The following RGS7 variants were observed in gnomAD, a reference collection of about 807,000 sequenced individuals.
RGS7 encodes the protein regulator of G-protein signaling 7.
In RGS7, 27 loss-of-function variants were observed where a neutral mutation model predicts 81.1. The observed-to-expected ratio is 0.33, with a 90% CI of 0.25 to 0.46. The LOEUF is 0.46. Among genes scored for constraint, RGS7 ranks in the 20% least tolerant of loss-of-function variants. The pLI is 1.00. For missense variants in RGS7, 396 were observed against 607.4 expected (o/e 0.65, Z 3.66); for synonymous variants, 208 against 207.7 (o/e 1.00, Z -0.01).
intron 2 of RGS7, among the ~76,000 whole-genome samples, chr1:241,183,368 T>C (rs1051594518): frequency 1.3e-5 from 2 of 152,216 alleles, no homozygotes; most frequent in African/African-American, 4.8e-5. Flanking sequence ...ACGTGCTCCA[T>C]CTGAATAGGC....
At chr1:241,172,248 C>T (rs974125452) in intron 2 of RGS7, among the ~76,000 whole-genome samples, 1 of 152,064 alleles carries the variant, frequency 6.6e-6, no homozygotes, top group African/African-American at 2.4e-5. Context: ...GCACAGCACA[C>T]GTGGCAATCT....
At chr1:241,057,347 T>C (rs1294820480) in intron 3 of RGS7, among the ~76,000 whole-genome samples, 1 of 152,168 alleles carries the variant, frequency 6.6e-6, no homozygotes, top group East Asian at 1.9e-4. Context: ...ATTTGTACAA[T>C]AAGAGGGCCA....
chr1:241,279,667 C>T (rs1573483883), intron 2 of RGS7, among the ~76,000 whole-genome samples: 1 of 152,166 alleles, frequency 6.6e-6, no homozygotes, highest in African/African-American at 2.4e-5. Flanking sequence ...TCCATTACTA[C>T]AAAGATCCCA....
At chr1:240,780,495 T>C (rs1025582282) in intron 18 of RGS7, among the ~76,000 whole-genome samples, 1 of 143,886 alleles carries the variant, frequency 6.9e-6, no homozygotes, top group African/African-American at 2.6e-5. Context: ...TGAAGGAAGG[T>C]ACACATCAGT....
At chr1:240,867,712 A>T (rs1332194220) in intron 9 of RGS7, among the ~76,000 whole-genome samples, 1 of 152,178 alleles carries the variant, frequency 6.6e-6, no homozygotes, top group Admixed American at 6.5e-5. Context: ...TTTAAGAAAG[A>T]AAATCAGGCT....
At chr1:240,799,611 G>C (rs1687705476) in intron 18 of RGS7, among the ~76,000 whole-genome samples, 1 of 151,930 alleles carries the variant, frequency 6.6e-6, no homozygotes, top group South Asian at 2.1e-4. Context: ...ATTGCAAGAA[G>C]AATTATCTTG....
chr1:240,985,600 C>T (rs2148568073), intron 3 of RGS7, among the ~76,000 whole-genome samples: 1 of 152,218 alleles, frequency 6.6e-6, no homozygotes, highest in Non-Finnish European at 1.5e-5. Flanking sequence ...TTGGACTTGA[C>T]CAACTGCTAG....
intron 3 of RGS7, among the ~76,000 whole-genome samples, chr1:241,090,515 T>A (rs1042768333): frequency 1.3e-5 from 2 of 152,138 alleles, no homozygotes; most frequent in Non-Finnish European, 2.9e-5. Context: ...GAAACATACA[T>A]TTAGAAATAT....
chr1:240,838,040 AG>A (rs1232067451), intron 9 of RGS7, among the ~76,000 whole-genome samples: 3 of 152,188 alleles, frequency 2.0e-5, no homozygotes, highest in Non-Finnish European at 2.9e-5. Flanking sequence ...CAAATAGAAA[AG>A]GGGTGCATCT....
At chr1:241,095,781 C>T (rs1307701543) in intron 3 of RGS7, among the ~76,000 whole-genome samples, 7 of 152,244 alleles carry the variant, frequency 4.6e-5, no homozygotes, top group South Asian at 2.1e-4. Flanking sequence ...TCTGTCAGGA[C>T]GGCTCAATGT....
intron 2 of RGS7, among the ~76,000 whole-genome samples, chr1:241,103,242 T>C (rs1043397370): frequency 6.6e-6 from 1 of 152,172 alleles, no homozygotes; most frequent in Non-Finnish European, 1.5e-5. Context: ...CACACACATA[T>C]ATGCACATGC....
At chr1:241,295,310 A>G (rs1047840394) in intron 2 of RGS7, among the ~76,000 whole-genome samples, 1 of 151,670 alleles carries the variant, frequency 6.6e-6, no homozygotes, top group African/African-American at 2.4e-5. Flanking sequence ...AAAATTAGCC[A>G]GGCATGGTGG....
At chr1:241,034,404 C>G (rs982269356) in intron 3 of RGS7, among the ~76,000 whole-genome samples, 7 of 152,086 alleles carry the variant, frequency 4.6e-5, no homozygotes, top group African/African-American at 7.2e-5. Flanking sequence ...TATCACAGGG[C>G]AGGGGAAGGC....
chr1:240,906,354 C>T (rs1234153198), intron 6 of RGS7, among the ~76,000 whole-genome samples: 1 of 152,120 alleles, frequency 6.6e-6, no homozygotes, highest in East Asian at 1.9e-4. Flanking sequence ...AAGTAGTGTG[C>T]TGGTGACTCC....
At chr1:241,191,742 G>A (rs2072670196) in intron 2 of RGS7, among the ~76,000 whole-genome samples, 1 of 152,116 alleles carries the variant, frequency 6.6e-6, no homozygotes, top group African/African-American at 2.4e-5. Context: ...ATTTCTTTTT[G>A]GGGAGTTTTA....
intron 13 of RGS7, 122 bp from the exon 14 acceptor site, chr1:240,812,165 A>AAT (rs1689960855): frequency 3.0e-6 from 3 of 985,156 alleles, no homozygotes; most frequent in East Asian, 2.5e-5. Context: ...TTTCTTTAAA[A>AAT]ATATATATAT....
At chr1:241,190,842 T>G (rs1286848528) in intron 2 of RGS7, among the ~76,000 whole-genome samples, 1 of 152,158 alleles carries the variant, frequency 6.6e-6, no homozygotes, top group East Asian at 1.9e-4. Flanking sequence ...CTTCCAGCAC[T>G]ATGTTGAATA....
chr1:241,024,974 T>C (rs1333288710), intron 3 of RGS7, among the ~76,000 whole-genome samples: 1 of 152,216 alleles, frequency 6.6e-6, no homozygotes, highest in Non-Finnish European at 1.5e-5. Flanking sequence ...TTAGAAACTT[T>C]CAAGTACCGT....
chr1:240,910,876 G>A (rs959249629), intron 6 of RGS7, among the ~76,000 whole-genome samples: 14 of 151,916 alleles, frequency 9.2e-5, no homozygotes, highest in African/African-American at 2.9e-4. Flanking sequence ...GTGCCACAAC[G>A]CCCAACTAAT....
Sources: gnomAD v4.1 joint callset for allele counts (sites outside exome capture counted in the v4.1 genomes callset) on GRCh38, gnomAD v4.1.1 for gene constraint, MANE v1.5 for transcripts, NCBI Gene and HGNC (gene_info 2026-07-23, HGNC 2026-07-21) for gene names.